Variants in ITPRID2 observed in about 807,000 individuals in gnomAD.
ITPRID2 encodes the protein protein ITPRID2.
ITPRID2 carries 60 observed loss-of-function variants against 124.3 expected under a neutral mutation model. The ratio of observed to expected loss-of-function variants is 0.48; its 90% CI spans 0.39 to 0.60. ITPRID2 has a LOEUF of 0.60. ITPRID2 is among the 20% of genes least tolerant of loss of function. The probability of loss-of-function intolerance (pLI) is 0.00; values close to 1 mark genes in which losing one functional copy is unlikely to be tolerated. For missense variants in ITPRID2, 1,553 were observed against 1,512.2 expected (o/e 1.03, Z -0.45); for synonymous variants, 521 against 542.9 (o/e 0.96, Z 0.56).
chr2:181,919,826 T>G lies in ITPRID2; in HGVS notation c.3144+380T>G, dbSNP rs1456787456. ...TGCTGTTTTTTTTTCTTTCATGCCTTTAAATAAAAAAGTGTTCCTTTTAAA... is the reference window on the plus strand; with the variant it reads ...TGCTGTTTTTTTTTCTTTCATGCCTGTAAATAAAAAAGTGTTCCTTTTAAA... On this transcript the variant is annotated intron_variant, in intron 14 of 17. Coordinates refer to ENST00000431877, the MANE Select transcript of ITPRID2 (RefSeq NM_001130445.3). The surrounding 1 kb of genome is among the most constrained non-coding windows in gnomAD (Gnocchi z 4.2). Among the ~76,000 whole-genome samples, 1 of 152,086 alleles carries G rather than the reference T, an allele frequency of 6.6e-6. No individual in the cohort carries two copies. The highest frequency in any genetic ancestry group is 6.5e-5 in the Admixed American group (1 of 15,280).
chr2:181,929,398 C>A (rs1695116234), intron 17 of ITPRID2, among the ~76,000 whole-genome samples, 163 bp from the exon 18 acceptor site: 1 of 151,058 alleles, frequency 6.6e-6, no homozygotes, highest in African/African-American at 2.4e-5. Flanking sequence ...TTTTTTAAAG[C>A]CAGGGATATA....
intron 8 of ITPRID2, among the ~76,000 whole-genome samples, chr2:181,903,322 A>T (rs149728334): frequency 2.0e-5 from 3 of 152,196 alleles, no homozygotes; most frequent in Non-Finnish European, 4.4e-5. Context: ...AGGCATATGT[A>T]TGCTAATGAA....
At chr2:181,916,632 AT>A in intron 11 of ITPRID2, 1 of 790,928 alleles carries the variant, frequency 1.3e-6, no homozygotes, top group Non-Finnish European at 1.9e-6. Flanking sequence ...ATCAAAGTCG[AT>A]TTCTCTGCTC....
chr2:181,928,738 G>A (rs1695050822), intron 17 of ITPRID2, among the ~76,000 whole-genome samples: 2 of 151,416 alleles, frequency 1.3e-5, no homozygotes. Flanking sequence ...CCATTCTCCT[G>A]CCTCAGCCTC....
At chr2:181,925,803 C>G (rs1020676864) in intron 16 of ITPRID2, among the ~76,000 whole-genome samples, 5 of 151,492 alleles carry the variant, frequency 3.3e-5, no homozygotes, top group Non-Finnish European at 7.4e-5. Context: ...TATTTGAGAC[C>G]GTCTTGCTAC....
At chr2:181,899,523 T>A (rs529729514) in intron 6 of ITPRID2, among the ~76,000 whole-genome samples, 2 of 152,240 alleles carry the variant, frequency 1.3e-5, no homozygotes, top group Admixed American at 6.5e-5. Flanking sequence ...TTTCAACACA[T>A]TAAACCAAAG....
chr2:181,914,007 T>A, intron 10 of ITPRID2, 74 bp downstream of exon 10: 1 of 917,522 alleles, frequency 1.1e-6, no homozygotes, highest in Non-Finnish European at 1.7e-6. Flanking sequence ...TACTATATAT[T>A]TTAATATTGA....
intron 9 of ITPRID2, among the ~76,000 whole-genome samples, chr2:181,911,189 G>GAACA (rs1176381802): frequency 6.6e-6 from 1 of 152,046 alleles, no homozygotes; most frequent in Non-Finnish European, 1.5e-5. Context: ...AGAGAAGAGA[G>GAACA]AACAACATAG....
intron 14 of ITPRID2, among the ~76,000 whole-genome samples, chr2:181,920,291 G>T (rs1033735993): frequency 6.6e-5 from 10 of 152,146 alleles, no homozygotes; most frequent in Non-Finnish European, 8.8e-5. Context: ...TATTGCTAAT[G>T]AATGTACTTT....
At chr2:181,914,500 C>G (rs1392384193) in intron 10 of ITPRID2, among the ~76,000 whole-genome samples, 1 of 152,088 alleles carries the variant, frequency 6.6e-6, no homozygotes, top group African/African-American at 2.4e-5. Context: ...CCTTTAGGAA[C>G]ATAGCATTTA....
chr2:181,907,412 T>A lies in ITPRID2; in HGVS notation c.1414-2487T>A, dbSNP rs1693222814. Among the ~76,000 whole-genome samples, 1 of 151,714 alleles carries A rather than the reference T, an allele frequency of 6.6e-6. No homozygotes were observed. The highest frequency in any genetic ancestry group is 1.5e-5 in the Non-Finnish European group (1 of 67,950). The stretch of plus-strand genomic sequence containing the variant: ...TTTTCATCTTTGAATCCCAAAACAT[T>A]GAGACCATGCAATTTTATCACTTTG... On this transcript the variant is annotated intron_variant, in intron 8 of 17. Coordinates refer to ENST00000431877, the MANE Select transcript of ITPRID2 (RefSeq NM_001130445.3). This position sits in a 1 kb window ranked among gnomAD's most constrained non-coding sequence, Gnocchi z 5.1.
intron 10 of ITPRID2, among the ~76,000 whole-genome samples, chr2:181,914,521 A>G (rs1189716279): frequency 6.6e-6 from 1 of 152,234 alleles, no homozygotes; most frequent in Non-Finnish European, 1.5e-5. Flanking sequence ...AGGGGTAAAC[A>G]GACAAGAGGC....
Position 181,896,203 on chromosome 2 carries a change from G to A in ITPRID2, c.307+124G>A. On this transcript the variant is annotated intron_variant, in intron 3 of 17. Transcript: ENST00000431877. The surrounding 1 kb of genome is among the most constrained non-coding windows in gnomAD (Gnocchi z 4.3). The stretch of plus-strand genomic sequence containing the variant: ...ATGTTTATAGTATATGCTATTCTGA[G>A]CTAGAAGCAAAATGGAGAAACTTTG... 1 of 826,288 alleles carries A rather than the reference G, an allele frequency of 1.2e-6. No homozygotes were observed. Among genetic ancestry groups the A allele is most frequent in the Non-Finnish European group, 1.9e-6 (1 of 527,552 alleles). 51.2% of individuals were successfully genotyped at this position (826,288 alleles called of 1,614,324 possible).
At chr2:181,916,673 A>T (rs1460583516) in intron 11 of ITPRID2, 1 of 716,994 alleles carries the variant, frequency 1.4e-6, no homozygotes, top group Non-Finnish European at 2.0e-6. Context: ...AAGAGGAGAG[A>T]TTTTTCTCGT....
In ITPRID2 at chr2:181,891,884, T is replaced by A; in HGVS notation, c.-183T>A. 5.8e-6 allele frequency: 2 copies of A among 344,196 alleles called. No individual in the cohort carries two copies. Among genetic ancestry groups the A allele is most frequent in the Non-Finnish European group, 1.1e-5 (2 of 184,598 alleles). The allele number at this position is 344,196 out of a possible 1,614,324, so 21.3% of individuals were successfully genotyped here. A position where few individuals can be genotyped will look rare whatever the true frequency, so the allele number is the denominator to read the frequency against. On this transcript the variant is annotated 5_prime_UTR_variant, in exon 1 of 18. Transcript: ENST00000431877. ...ATGTGAAGCGCCGGCCCTCCGCCCC[T>A]TCCCTCCCCTTCCTTCCCTCCCTCC...
At chr2:181,924,589 G>A (rs1574306116) in intron 16 of ITPRID2, among the ~76,000 whole-genome samples, 1 of 152,146 alleles carries the variant, frequency 6.6e-6, no homozygotes, top group African/African-American at 2.4e-5. Flanking sequence ...GCACTTTCAG[G>A]AAAGTTTTCT....
Position 181,892,732 on chromosome 2 carries a change from G to T in ITPRID2, c.257+72G>T, listed in dbSNP as rs1176073100. On this transcript the variant is annotated intron_variant, in intron 2 of 17. Transcript: ENST00000431877. The surrounding 1 kb of genome is among the most constrained non-coding windows in gnomAD (Gnocchi z 5.2). ...ACGGGACGCCGGAGCAGAGCCACTC[G>T]GGCCGCGTCCCTGTGGGTCCCGCGA... 1 of 1,581,914 alleles carries T rather than the reference G, an allele frequency of 6.3e-7. No individual in the cohort carries two copies. The highest frequency in any genetic ancestry group is 1.3e-5 in the African/African-American group (1 of 74,168).
chr2:181,919,666 AT>A lies in ITPRID2; in HGVS notation c.3144+224del, dbSNP rs1248805481. Among the ~76,000 whole-genome samples, 5 of 152,188 alleles carry A rather than the reference AT, an allele frequency of 3.3e-5. No homozygotes were observed. The highest frequency in any genetic ancestry group is 4.4e-5 in the Non-Finnish European group (3 of 68,036). On this transcript the variant is annotated intron_variant, in intron 14 of 17. Coordinates refer to ENST00000431877, the MANE Select transcript of ITPRID2 (RefSeq NM_001130445.3). This position sits in a 1 kb window ranked among gnomAD's most constrained non-coding sequence, Gnocchi z 4.2. Reference sequence around the variant, plus strand: ...ATATGTTGAAAATTTTTAATGATAAATTTTAATAACAGGAAAGAATAAGGGC... The same window carrying A: ...ATATGTTGAAAATTTTTAATGATAAATTTAATAACAGGAAAGAATAAGGGC...
Position 181,892,274 on chromosome 2 carries a change from A to G in ITPRID2, c.208A>G (p.Arg70Gly), listed in dbSNP as rs1691776917. 1 of 1,546,728 alleles carries G rather than the reference A, an allele frequency of 6.5e-7. No homozygotes were observed. The highest frequency in any genetic ancestry group is 8.7e-7 in the Non-Finnish European group (1 of 1,145,516). The change falls in exon 1 of 18, where the codon AGA (arginine) becomes GGA (glycine). Residue 70 changes from arginine to glycine, a missense_variant. By Grantham distance (125) the Arg-to-Gly change is moderately radical. Coordinates refer to ENST00000431877, the MANE Select transcript of ITPRID2 (RefSeq NM_001130445.3). The surrounding 1 kb of genome is among the most constrained non-coding windows in gnomAD (Gnocchi z 5.2). ...PGAQLPAAGG[R>G]GNVPNEKIAI... ...CGCGCAGCTGCCGGCAGCGGGGGGA[A>G]GAGGTCGGTGCTCCCGGCCGGGCTC...
Sources: allele counts gnomAD v4.1 joint callset (sites outside exome capture counted in the v4.1 genomes callset), GRCh38; gene constraint gnomAD v4.1.1; non-coding constraint Gnocchi (gnomAD v3.1); transcripts MANE v1.5; gene names NCBI Gene and HGNC (gene_info 2026-07-23, HGNC 2026-07-21).